TSPAN11: variants seen among roughly 807,000 people sequenced by gnomAD.
The protein encoded by TSPAN11 is tetraspanin 11.
In TSPAN11, 29 loss-of-function variants were observed where a neutral mutation model predicts 32.9. The ratio of observed to expected loss-of-function variants is 0.88; its 90% CI spans 0.66 to 1.20. The LOEUF is 1.20. Among genes scored for constraint, TSPAN11 ranks in the 50% most tolerant of loss-of-function variants. TSPAN11 has a pLI of 0.00. For missense variants in TSPAN11, 283 were observed against 329.1 expected (o/e 0.86, Z 1.08); for synonymous variants, 140 against 141.3 (o/e 0.99, Z 0.07).
At chr12:30,943,270 C>A (rs565883626) in intron 1 of TSPAN11, among the ~76,000 whole-genome samples, 1 of 152,164 alleles carries the variant, frequency 6.6e-6, no homozygotes, top group African/African-American at 2.4e-5. Flanking sequence ...TAGATCTGCA[C>A]AAGGAAAAGT....
chr12:30,948,105 C>T (rs544296001), intron 1 of TSPAN11, among the ~76,000 whole-genome samples: 1 of 152,330 alleles, frequency 6.6e-6, no homozygotes, highest in African/African-American at 2.4e-5. Context: ...CCAGCTCTCA[C>T]ATCCAGGTCA....
In TSPAN11 at chr12:30,939,182, A is replaced by G. The variant is rs148796894; in HGVS notation, c.-12+12386A>G. Among the ~76,000 whole-genome samples, 186 of 150,688 alleles carry G rather than the reference A, an allele frequency of 1.2e-3. 2 individuals carry two copies. The East Asian group carries it at 0.033, about 26-fold the overall frequency. On this transcript the variant is annotated intron_variant, in intron 1 of 7. Transcript: ENST00000546076. Reference sequence around the variant, plus strand: ...CTTGAACCTGGGAGGTGAAGGTTCTATTGAGCCAAGATTGCATCACTGCAC... The same window carrying G: ...CTTGAACCTGGGAGGTGAAGGTTCTGTTGAGCCAAGATTGCATCACTGCAC...
rs959287723 is a variant in TSPAN11, at chr12:30,979,485, G to A, written c.352-81G>A. The A allele has an allele frequency of 3.9e-6, 5 of 1,267,228 alleles. No homozygotes were observed. The African/African-American group carries it at 7.3e-5, about 19-fold the overall frequency. 78.5% of individuals were successfully genotyped at this position (1,267,228 alleles called of 1,614,324 possible). A position where few individuals can be genotyped will look rare whatever the true frequency, so the allele number is the denominator to read the frequency against. The stretch of plus-strand genomic sequence containing the variant: ...TCCGCAGTGTTCTAGAATTAGCTGG[G>A]GGGAGTTGGAAGTGGGCCCGGTGCC... On this transcript the variant is annotated intron_variant, in intron 4 of 7. Coordinates refer to ENST00000546076, the MANE Select transcript of TSPAN11 (RefSeq NM_001370302.1).
At chr12:30,974,344 G>A (rs910384692) in intron 3 of TSPAN11, among the ~76,000 whole-genome samples, 7 of 152,338 alleles carry the variant, frequency 4.6e-5, no homozygotes, top group African/African-American at 1.4e-4. Context: ...GCGGGAGACT[G>A]CCCTGCACCC....
intron 1 of TSPAN11, 129 bp from the exon 2 acceptor site, chr12:30,953,852 A>G (rs2241322): frequency 0.063 from 39,889 of 634,050 alleles, 4,047 homozygotes; most frequent in East Asian, 0.39. Flanking sequence ...GCACATGCAG[A>G]GCCTCAAAGC....
intron 2 of TSPAN11, among the ~76,000 whole-genome samples, chr12:30,959,795 A>AAC (rs1555197456): frequency 0.07 from 10,071 of 143,172 alleles, 460 homozygotes; most frequent in Non-Finnish European, 0.089. Flanking sequence ...AAAAAAAAAA[A>AAC]AAAACCGAGG....
intron 3 of TSPAN11, among the ~76,000 whole-genome samples, chr12:30,967,730 A>G (rs549752656): frequency 8.1e-6 from 1 of 123,670 alleles, no homozygotes; most frequent in Admixed American, 8.3e-5. Context: ...ACATGCACTC[A>G]GCCACCAACG....
At chr12:30,966,475 C>T (rs1457128434) in intron 3 of TSPAN11, among the ~76,000 whole-genome samples, 6 of 152,230 alleles carry the variant, frequency 3.9e-5, no homozygotes, top group Non-Finnish European at 7.3e-5. Flanking sequence ...TCCAAGCCCA[C>T]GCTCTGACCC....
chr12:30,950,334 AT>A (rs1383178311), intron 1 of TSPAN11, among the ~76,000 whole-genome samples: 1 of 152,086 alleles, frequency 6.6e-6, no homozygotes, highest in Non-Finnish European at 1.5e-5. Flanking sequence ...ATCCCTAATT[AT>A]TTTTTCCTTT....
the TSPAN11 span, among the ~76,000 whole-genome samples, chr12:31,007,283 G>A: frequency 6.6e-6 from 1 of 152,076 alleles, no homozygotes; most frequent in African/African-American, 2.4e-5. Flanking sequence ...ATGGGGACAG[G>A]TGGGGGTTCC....
At chr12:30,927,398 G>A (rs1937822733) in intron 1 of TSPAN11, among the ~76,000 whole-genome samples, 1 of 152,248 alleles carries the variant, frequency 6.6e-6, no homozygotes, top group South Asian at 2.1e-4. Context: ...GGAAGGTTCT[G>A]GGGTGTATCC....
chr12:30,931,982 G>A (rs1170453345), intron 1 of TSPAN11, among the ~76,000 whole-genome samples: 3 of 148,516 alleles, frequency 2.0e-5, no homozygotes, highest in African/African-American at 7.5e-5. Context: ...TTGGCAAACA[G>A]TAGGAATTCA....
chr12:31,005,774 C>T, the TSPAN11 span: 1 of 175,340 alleles, frequency 5.7e-6, no homozygotes, highest in Non-Finnish European at 1.2e-5. Context: ...CCGGCCAGCC[C>T]ACACACACGT....
At chr12:31,004,110 A>G in the TSPAN11 span, among the ~76,000 whole-genome samples, 3 of 152,130 alleles carry the variant, frequency 2.0e-5, no homozygotes, top group Admixed American at 6.5e-5. Flanking sequence ...CCACCCACCA[A>G]TGCCCCAGCC....
intron 3 of TSPAN11, among the ~76,000 whole-genome samples, chr12:30,968,273 G>A (rs1938779318): frequency 6.6e-6 from 1 of 152,220 alleles, no homozygotes; most frequent in African/African-American, 2.4e-5. Flanking sequence ...ATCGGGAGTA[G>A]CAGGGGAGGA....
chr12:30,958,831 T>C (rs1046808757), intron 2 of TSPAN11, among the ~76,000 whole-genome samples: 3 of 152,054 alleles, frequency 2.0e-5, no homozygotes, highest in Non-Finnish European at 1.5e-5. Context: ...CCCAAGAGCG[T>C]GGCATCATTG....
the TSPAN11 span, among the ~76,000 whole-genome samples, chr12:31,012,065 C>T: frequency 1.3e-5 from 2 of 152,272 alleles, no homozygotes; most frequent in African/African-American, 4.8e-5. Flanking sequence ...TCACCTAACA[C>T]AGCCTCTTTA....
intron 1 of TSPAN11, among the ~76,000 whole-genome samples, chr12:30,934,451 G>A (rs991464270): frequency 6.6e-6 from 1 of 152,120 alleles, no homozygotes; most frequent in African/African-American, 2.4e-5. Flanking sequence ...AGGTTTAATT[G>A]GACTTACAGT....
chr12:31,013,460 G>A, the TSPAN11 span, among the ~76,000 whole-genome samples: 90 of 152,128 alleles, frequency 5.9e-4, no homozygotes, highest in Non-Finnish European at 1.0e-3. Flanking sequence ...GCACAGGTCT[G>A]TAGTCTCAGC....
Sources: gnomAD v4.1 joint callset for allele counts (sites outside exome capture counted in the v4.1 genomes callset) on GRCh38, gnomAD v4.1.1 for gene constraint, MANE v1.5 for transcripts, NCBI Gene and HGNC (gene_info 2026-07-23, HGNC 2026-07-21) for gene names.